Variants in FREM3 observed in about 807,000 individuals in gnomAD.
The protein encoded by FREM3 is FRAS1 related extracellular matrix 3, also known as FRAS1-related extracellular matrix protein 3.
FREM3 carries 105 observed loss-of-function variants against 129.1 expected under a neutral mutation model. The ratio of observed to expected loss-of-function variants is 0.81; its 90% CI spans 0.69 to 0.96. The LOEUF is 0.96. Among genes scored for constraint, FREM3 ranks in the 40% least tolerant of loss-of-function variants. FREM3 has a pLI of 0.00. For missense variants in FREM3, 2,593 were observed against 2,666.3 expected (o/e 0.97, Z 0.61); for synonymous variants, 1,014 against 1,044.9 (o/e 0.97, Z 0.57).
intron 6 of FREM3, among the ~76,000 whole-genome samples, chr4:143,594,404 G>A (rs751824759): frequency 2.0e-5 from 3 of 152,194 alleles, no homozygotes; most frequent in Admixed American, 6.5e-5. Flanking sequence ...AGAGTCTTAT[G>A]AACTGTTCTC....
intron 6 of FREM3, among the ~76,000 whole-genome samples, chr4:143,593,319 TAG>T (rs1738401101): frequency 6.6e-6 from 1 of 152,218 alleles, no homozygotes; most frequent in Non-Finnish European, 1.5e-5. Context: ...CTCTGATTTT[TAG>T]AGTTTCTGGT....
intron 2 of FREM3, among the ~76,000 whole-genome samples, chr4:143,646,029 C>G (rs1032872532): frequency 6.6e-6 from 1 of 152,152 alleles, no homozygotes; most frequent in Non-Finnish European, 1.5e-5. Context: ...AGATTTGCCC[C>G]TTCCCCAGTG....
intron 6 of FREM3, among the ~76,000 whole-genome samples, chr4:143,608,172 A>G (rs1299153466): frequency 6.6e-6 from 1 of 152,186 alleles, no homozygotes; most frequent in Non-Finnish European, 1.5e-5. Context: ...CATGTAAAGT[A>G]ACACATTCAC....
At chr4:143,596,622 C>A (rs1328537861) in intron 6 of FREM3, among the ~76,000 whole-genome samples, 1 of 152,206 alleles carries the variant, frequency 6.6e-6, no homozygotes, top group Middle Eastern at 3.4e-3. Context: ...TTTGGAAAAA[C>A]CCTTTCATGC....
intron 2 of FREM3, among the ~76,000 whole-genome samples, chr4:143,686,869 A>G (rs926265477): frequency 2.1e-4 from 32 of 152,258 alleles, no homozygotes; most frequent in Non-Finnish European, 2.5e-4. Flanking sequence ...CCTACATCAA[A>G]AAGACTGAAA....
In FREM3 at chr4:143,621,092, T is replaced by A; in HGVS notation, c.5724A>T (p.Val1908=). 1 of 1,537,150 alleles carries A rather than the reference T, an allele frequency of 6.5e-7. No individual in the cohort carries two copies. The highest frequency in any genetic ancestry group is 8.7e-7 in the Non-Finnish European group (1 of 1,146,760). ...EEDIGELLIP[V]RRSGDASQEL... ...CCTGGCTTGCATCTCCAGATCGTCT[T>A]ACTGGAATCAAAAGTTCCCCAATGT... The change falls in exon 5 of 8, where the codon GTA becomes GTT. Residue 1908 remains valine (V), a synonymous_variant. Coordinates refer to ENST00000329798, the MANE Select transcript of FREM3 (RefSeq NM_001168235.2).
At chr4:143,658,252 C>T (rs1030242310) in intron 2 of FREM3, among the ~76,000 whole-genome samples, 3 of 152,148 alleles carry the variant, frequency 2.0e-5, no homozygotes, top group African/African-American at 7.2e-5. Context: ...GTGACTTGGT[C>T]ATGAAGGTTC....
chr4:143,695,666 G>A lies in FREM3; in HGVS notation c.5010C>T (p.Ala1670=). The part of the protein sequence containing the change: ...PQITTNRGAP[A]LKRLHTGHMG... Reference sequence around the variant, plus strand: ...TGTGTCCAGTGTGAAGGCGCTTCAAGGCTGGGGCACCCCTGTTGGTAGTAA... The same window carrying A: ...TGTGTCCAGTGTGAAGGCGCTTCAAAGCTGGGGCACCCCTGTTGGTAGTAA... Residue 1670 remains alanine, a synonymous_variant, in exon 1 of 8, where the codon GCC becomes GCT. Coordinates refer to ENST00000329798, the MANE Select transcript of FREM3 (RefSeq NM_001168235.2). 4 of 1,537,240 alleles carry A rather than the reference G, an allele frequency of 2.6e-6. No individual in the cohort carries two copies. The highest frequency in any genetic ancestry group is 3.5e-6 in the Non-Finnish European group (4 of 1,146,920).
chr4:143,619,054 G>A (rs772136697), intron 5 of FREM3, among the ~76,000 whole-genome samples: 17 of 152,130 alleles, frequency 1.1e-4, no homozygotes, highest in Admixed American at 4.6e-4. Context: ...TGTTTTTCAG[G>A]AACTAGGGGG....
intron 2 of FREM3, among the ~76,000 whole-genome samples, chr4:143,629,972 A>G (rs1739109211): frequency 6.6e-6 from 1 of 152,196 alleles, no homozygotes; most frequent in Non-Finnish European, 1.5e-5. Flanking sequence ...AAACATGCAC[A>G]GTGAGAAGGG....
chr4:143,681,200 G>A (rs1237183986), intron 2 of FREM3, among the ~76,000 whole-genome samples: 1 of 151,992 alleles, frequency 6.6e-6, no homozygotes, highest in Non-Finnish European at 1.5e-5. Context: ...ATTGTTCTTT[G>A]TATAGATGAT....
chr4:143,604,986 A>C (rs78221680), intron 6 of FREM3, among the ~76,000 whole-genome samples: 2,001 of 152,274 alleles, frequency 0.013, 75 homozygotes, highest in Admixed American at 0.082. Context: ...AGGATAATCT[A>C]ATTAAAGATC....
chr4:143,679,354 GAA>G (rs1445758505), intron 2 of FREM3, among the ~76,000 whole-genome samples: 1 of 152,166 alleles, frequency 6.6e-6, no homozygotes, highest in Non-Finnish European at 1.5e-5. Flanking sequence ...TGGATGGTGT[GAA>G]AAAGTGTTGC....
At chr4:143,684,557 G>C (rs551300889) in intron 2 of FREM3, among the ~76,000 whole-genome samples, 14 of 152,086 alleles carry the variant, frequency 9.2e-5, no homozygotes, top group Non-Finnish European at 2.1e-4. Context: ...AAATGAGAAG[G>C]AACCAGAAAA....
At chr4:143,659,032 C>T (rs1456941426) in intron 2 of FREM3, among the ~76,000 whole-genome samples, 1 of 139,506 alleles carries the variant, frequency 7.2e-6, no homozygotes, top group Non-Finnish European at 1.5e-5. Context: ...AGGTTATTTT[C>T]TTTTTTTTTT....
At chr4:143,667,772 T>C (rs1739890205) in intron 2 of FREM3, among the ~76,000 whole-genome samples, 2 of 152,216 alleles carry the variant, frequency 1.3e-5, no homozygotes, top group Admixed American at 1.3e-4. Context: ...TCTAGCTCCT[T>C]GAAACTCATT....
intron 2 of FREM3, 60 bp from the exon 3 acceptor site, chr4:143,627,820 A>T: frequency 9.0e-7 from 1 of 1,113,634 alleles, no homozygotes; most frequent in Non-Finnish European, 1.3e-6. Flanking sequence ...ATATTCAATG[A>T]TCAATGTGTG....
intron 7 of FREM3, among the ~76,000 whole-genome samples, chr4:143,582,489 A>T (rs1197195091): frequency 6.6e-6 from 1 of 152,166 alleles, no homozygotes; most frequent in African/African-American, 2.4e-5. Flanking sequence ...TGGCCCTCTG[A>T]AAACGTCCAG....
chr4:143,660,271 G>C (rs1206692597), intron 2 of FREM3, among the ~76,000 whole-genome samples: 1 of 151,946 alleles, frequency 6.6e-6, no homozygotes, highest in Non-Finnish European at 1.5e-5. Flanking sequence ...TAAGGTGTAA[G>C]GAAGGGATCC....
Sources: gnomAD v4.1 joint callset for allele counts (sites outside exome capture counted in the v4.1 genomes callset) on GRCh38, gnomAD v4.1.1 for gene constraint, MANE v1.5 for transcripts, NCBI Gene and HGNC (gene_info 2026-07-23, HGNC 2026-07-21) for gene names.